SSX2IP: variants seen among roughly 807,000 people sequenced by gnomAD.
SSX2IP encodes the protein afadin- and alpha-actinin-binding protein.
Under a neutral mutation model 84.9 loss-of-function variants are expected in SSX2IP, and 55 were observed. The observed-to-expected ratio is 0.65, with a 90% CI of 0.52 to 0.81. SSX2IP has a LOEUF of 0.81. SSX2IP is among the 30% of genes least tolerant of loss of function. SSX2IP has a pLI of 0.00. For missense variants in SSX2IP, 664 were observed against 705.2 expected (o/e 0.94, Z 0.66); for synonymous variants, 239 against 234.7 (o/e 1.02, Z -0.17).
chr1:84,658,609 A>G, intron 8 of SSX2IP, 141 bp from the exon 9 acceptor site: 1 of 952,100 alleles, frequency 1.1e-6, no homozygotes, highest in South Asian at 2.7e-5. Context: ...TATATGGCCC[A>G]GTATTTAAAT....
intron 8 of SSX2IP, among the ~76,000 whole-genome samples, chr1:84,661,452 G>A (rs912908200): frequency 6.6e-6 from 1 of 151,268 alleles, no homozygotes; most frequent in Non-Finnish European, 1.5e-5. Flanking sequence ...TTTCTAAGAA[G>A]CAGTGAAAAT....
At position 84,662,184 on chromosome 1, in the gene SSX2IP, A is replaced by T; in HGVS notation, c.927+14T>A. 1 of 1,540,362 alleles carries T rather than the reference A, an allele frequency of 6.5e-7. No individual in the cohort carries two copies. Among genetic ancestry groups the T allele is most frequent in the Non-Finnish European group, 8.8e-7 (1 of 1,142,610 alleles). ...CAATCTGAAGACTGTATTAGAGAGG[A>T]AAGAGCCACTTACAGTTCCTGTACT... On this transcript the variant is annotated intron_variant, in intron 8 of 13. Coordinates refer to ENST00000342203, the MANE Select transcript of SSX2IP (RefSeq NM_001166293.2).
chr1:84,650,704 A>G (rs1286832213), intron 12 of SSX2IP, among the ~76,000 whole-genome samples, 177 bp from the exon 13 acceptor site: 1 of 68,488 alleles, frequency 1.5e-5, no homozygotes, highest in Non-Finnish European at 3.2e-5. Context: ...CCATGTTTAA[A>G]AGGATCTTTT....
At chr1:84,653,768 G>C (rs1327495292) in intron 11 of SSX2IP, among the ~76,000 whole-genome samples, 1 of 152,010 alleles carries the variant, frequency 6.6e-6, no homozygotes, top group Non-Finnish European at 1.5e-5. Flanking sequence ...CAAACATTGA[G>C]AAAACTAATA....
At chr1:84,657,228 T>C (rs1278623902) in intron 9 of SSX2IP, among the ~76,000 whole-genome samples, 2 of 152,078 alleles carry the variant, frequency 1.3e-5, no homozygotes, top group African/African-American at 4.8e-5. Context: ...TGTAGAGCTA[T>C]GTATAAGGAT....
At chr1:84,647,701 C>G in intron 13 of SSX2IP, 94 bp from the exon 14 acceptor site, 1 of 968,804 alleles carries the variant, frequency 1.0e-6, no homozygotes, top group Non-Finnish European at 1.4e-6. Context: ...AAAATAAGTT[C>G]CTTTTAATTC....
chr1:84,688,934 T>C (rs970332693), intron 1 of SSX2IP, among the ~76,000 whole-genome samples: 1 of 152,226 alleles, frequency 6.6e-6, no homozygotes, highest in African/African-American at 2.4e-5. Context: ...AAAAGAGCCT[T>C]CGTTTTAATT....
chr1:84,646,300 A>G lies in SSX2IP; in HGVS notation c.*1133T>C, dbSNP rs151174036. The G allele has an allele frequency of 2.8e-4, 43 of 152,710 alleles. 1 individual carries two copies. The East Asian group carries it at 7.1e-3, about 25-fold the overall frequency. 9.5% of individuals were successfully genotyped at this position (152,710 alleles called of 1,614,324 possible). Reference sequence around the variant, plus strand: ...CATACTTTTCATGAAGAAACATGCAATCAGAAACATTACAGAGACTGAAGA... The same window carrying G: ...CATACTTTTCATGAAGAAACATGCAGTCAGAAACATTACAGAGACTGAAGA... On this transcript the variant is annotated 3_prime_UTR_variant, in exon 14 of 14. Coordinates refer to ENST00000342203, the MANE Select transcript of SSX2IP (RefSeq NM_001166293.2).
chr1:84,676,220 T>G (rs1267302992), intron 1 of SSX2IP, among the ~76,000 whole-genome samples: 3 of 152,190 alleles, frequency 2.0e-5, no homozygotes, highest in African/African-American at 7.2e-5. Flanking sequence ...AAACCTGAAA[T>G]ACATCAAAGC....
intron 1 of SSX2IP, among the ~76,000 whole-genome samples, chr1:84,671,636 T>G (rs1351486785): frequency 1.3e-5 from 2 of 152,180 alleles, no homozygotes; most frequent in African/African-American, 4.8e-5. Flanking sequence ...TAAAATAAAA[T>G]ACAATTATAT....
Position 84,655,913 on chromosome 1 carries a change from C to A in SSX2IP, c.1308G>T (p.Trp436Cys). The A allele has an allele frequency of 6.2e-7, 1 of 1,613,950 alleles. No homozygotes were observed. The highest frequency in any genetic ancestry group is 8.5e-7 in the Non-Finnish European group (1 of 1,179,944). Residue 436 changes from tryptophan (W) to cysteine (C), a missense_variant, in exon 11 of 14, where the codon TGG becomes TGT. By Grantham distance (215) the Trp-to-Cys change is radical. Transcript: ENST00000342203. ...TCTTTTTCTGCTCTTTAAAAAGGGA[C>A]CATTCTTCTTTGAGACGTTCCTTTT... ...LEEKERLKEEWSLFKEQKKNF... is the reference protein window; with the variant it reads ...LEEKERLKEECSLFKEQKKNF...
In SSX2IP at chr1:84,644,549, C is replaced by G. The variant is rs756262046; in HGVS notation, c.*2884G>C. ...AATTCAATCTAGAAATAACATGACTCATATTAGGCAATATACTTTGAAGAT... is the reference window on the plus strand; with the variant it reads ...AATTCAATCTAGAAATAACATGACTGATATTAGGCAATATACTTTGAAGAT... On this transcript the variant is annotated 3_prime_UTR_variant, in exon 14 of 14. Coordinates refer to ENST00000342203, the MANE Select transcript of SSX2IP (RefSeq NM_001166293.2). 6.6e-6 allele frequency: 1 copy of G among 152,170 alleles called. No homozygotes were observed. Among genetic ancestry groups the G allele is most frequent in the Non-Finnish European group, 1.5e-5 (1 of 68,026 alleles). The allele number at this position is 152,170 out of a possible 1,614,324, so 9.4% of individuals were successfully genotyped here.
chr1:84,669,195 A>G (rs904210838), intron 4 of SSX2IP, among the ~76,000 whole-genome samples: 2 of 151,866 alleles, frequency 1.3e-5, no homozygotes, highest in African/African-American at 4.8e-5. Context: ...GAGAAAAGCA[A>G]GTTTACTAAA....
chr1:84,650,443 A>G lies in SSX2IP; in HGVS notation c.1589T>C (p.Met530Thr), dbSNP rs1326405946. 1 of 1,614,230 alleles carries G rather than the reference A, an allele frequency of 6.2e-7. No individual in the cohort carries two copies. The highest frequency in any genetic ancestry group is 1.3e-5 in the African/African-American group (1 of 75,066). The change falls in exon 13 of 14, where the codon ATG becomes ACG. Residue 530 changes from methionine to threonine, a missense_variant. Coordinates refer to ENST00000342203, the MANE Select transcript of SSX2IP (RefSeq NM_001166293.2). The stretch of plus-strand genomic sequence containing the variant: ...AGGAAGAGATTTAGTAAGTTTAGAC[A>G]TGCAAACTGGAGACCCATTAGACAC... ...HSVSNGSPVC[M>T]SKLTKSLPAS...
At chr1:84,669,560 C>A (rs1175842578) in intron 4 of SSX2IP, 121 bp downstream of exon 4, 4 of 759,048 alleles carry the variant, frequency 5.3e-6, no homozygotes, top group African/African-American at 3.6e-5. Context: ...CTTTTACTTA[C>A]CTGTTTAAAA....
chr1:84,656,437 G>A lies in SSX2IP; in HGVS notation c.1126C>T (p.Arg376Ter), dbSNP rs759018697. 7 of 1,613,264 alleles carry A rather than the reference G, an allele frequency of 4.3e-6. No individual in the cohort carries two copies. The highest frequency in any genetic ancestry group is 4.5e-5 in the East Asian group (2 of 44,814). Residue 376 changes from arginine (R) to a stop codon, truncating the protein, a stop_gained, in exon 10 of 14, where the codon CGA becomes TGA. Transcript: ENST00000342203. LOFTEE classifies it high-confidence loss of function. ...TCAGTTTCTTGTTCATGGTCTTGTCGTGAGATTACATCTTCATCATTAAAA... is the reference window on the plus strand; with the variant it reads ...TCAGTTTCTTGTTCATGGTCTTGTCATGAGATTACATCTTCATCATTAAAA... ...EGFNDEDVIS[R>*]QDHEQETEKL...
intron 1 of SSX2IP, among the ~76,000 whole-genome samples, chr1:84,678,863 T>C (rs567321852): frequency 2.0e-5 from 3 of 152,240 alleles, no homozygotes; most frequent in Non-Finnish European, 4.4e-5. Context: ...AAGTCAAACT[T>C]GAGAAGGTAC....
chr1:84,653,736 T>C (rs775242429), intron 11 of SSX2IP, among the ~76,000 whole-genome samples: 2 of 152,162 alleles, frequency 1.3e-5, no homozygotes, highest in Non-Finnish European at 2.9e-5. Flanking sequence ...TTCATAAATA[T>C]TGATACAGAA....
In SSX2IP at chr1:84,655,828, A is replaced by T; in HGVS notation, c.1389+4T>A. 1.9e-6 allele frequency: 3 copies of T among 1,612,362 alleles called. No individual in the cohort carries two copies. Among genetic ancestry groups the T allele is most frequent in the Non-Finnish European group, 2.5e-6 (3 of 1,179,310 alleles). ...TTCAAAAGCACTACAATTGTTTAAA[A>T]TACCTCCAATCCCAGGCGAATAGCG... On this transcript the variant is annotated splice_donor_region_variant and intron_variant, in intron 11 of 13. Transcript: ENST00000342203.
Sources: gnomAD v4.1 joint callset for allele counts (sites outside exome capture counted in the v4.1 genomes callset) on GRCh38, gnomAD v4.1.1 for gene constraint, MANE v1.5 for transcripts, NCBI Gene and HGNC (gene_info 2026-07-23, HGNC 2026-07-21) for gene names.